Variants in EFNA5 observed in about 807,000 individuals in gnomAD.
EFNA5 encodes the protein ephrin A5.
A neutral mutation model predicts 22.9 loss-of-function variants in EFNA5; 5 were observed. The observed-to-expected ratio is 0.22, with a 90% CI of 0.11 to 0.46. The LOEUF is 0.46. Among genes scored for constraint, EFNA5 ranks in the 20% least tolerant of loss-of-function variants. The pLI, the probability that EFNA5 is intolerant of heterozygous loss-of-function variation, is 0.99. For missense variants in EFNA5, 237 were observed against 293.3 expected (o/e 0.81, Z 1.40); for synonymous variants, 113 against 112.2 (o/e 1.01, Z -0.04).
At chr5:107,619,124 G>A (rs1022232952) in intron 1 of EFNA5, among the ~76,000 whole-genome samples, 21 of 151,478 alleles carry the variant, frequency 1.4e-4, no homozygotes, top group East Asian at 2.0e-4. Context: ...ACGGGGTTTC[G>A]CTGTGTTAGC....
chr5:107,536,140 A>G (rs1747924206), intron 1 of EFNA5, among the ~76,000 whole-genome samples: 1 of 152,202 alleles, frequency 6.6e-6, no homozygotes, highest in Non-Finnish European at 1.5e-5. Context: ...CTCAGATGAC[A>G]CCATACAATT....
rs544325018 is a variant in EFNA5 at position 107,381,023 on chromosome 5, A to C, written c.*232T>G. 2.0e-5 allele frequency: 7 copies of C among 348,534 alleles called. No individual in the cohort carries two copies. The South Asian group carries it at 2.6e-4, about 13-fold the overall frequency. 21.6% of individuals were successfully genotyped at this position (348,534 alleles called of 1,614,324 possible). On this transcript the variant is annotated 3_prime_UTR_variant, in exon 5 of 5. Transcript: ENST00000333274. ...CCATTTAATTTGGGAGGGGTGAGAGAAGCCAAGGGCCAGGGCTGGGGGTGG... is the reference window on the plus strand; with the variant it reads ...CCATTTAATTTGGGAGGGGTGAGAGCAGCCAAGGGCCAGGGCTGGGGGTGG...
intron 1 of EFNA5, among the ~76,000 whole-genome samples, chr5:107,589,399 A>G (rs955866805): frequency 4.6e-5 from 7 of 152,198 alleles, no homozygotes; most frequent in Non-Finnish European, 1.0e-4. Context: ...GGGAAAAGGT[A>G]TAATCAAGAG....
chr5:107,580,213 C>T (rs890277250), intron 1 of EFNA5, among the ~76,000 whole-genome samples: 1 of 152,130 alleles, frequency 6.6e-6, no homozygotes, highest in African/African-American at 2.4e-5. Flanking sequence ...CTGACAAGAC[C>T]TTATGAACAC....
At chr5:107,456,397 C>A (rs1221626441) in intron 1 of EFNA5, among the ~76,000 whole-genome samples, 1 of 152,154 alleles carries the variant, frequency 6.6e-6, no homozygotes, top group African/African-American at 2.4e-5. Flanking sequence ...AAGAAGCCAG[C>A]TGTTCATGCA....
At chr5:107,517,199 A>C (rs1747498745) in intron 1 of EFNA5, among the ~76,000 whole-genome samples, 1 of 152,132 alleles carries the variant, frequency 6.6e-6, no homozygotes, top group African/African-American at 2.4e-5. Flanking sequence ...TATTTATAAA[A>C]GCTTACAGGT....
rs1250344093 is a variant in EFNA5, at chr5:107,505,426, GGCA to G, written c.126-77920_126-77918del. 6.7e-4 allele frequency among the ~76,000 whole-genome samples: 102 copies of G among 152,210 alleles called. 1 individual carries two copies. Among genetic ancestry groups the G allele is most frequent in the Non-Finnish European group, 2.5e-4 (17 of 67,994 alleles). On this transcript the variant is annotated intron_variant, in intron 1 of 4. Coordinates refer to ENST00000333274, the MANE Select transcript of EFNA5 (RefSeq NM_001962.3). ...CAACAAATCTGCAAACATTGCCTAG[GGCA>G]TGCTATATGGGAAATCTGGACAGCT...
At chr5:107,488,508 C>T (rs1234586864) in intron 1 of EFNA5, among the ~76,000 whole-genome samples, 1 of 152,116 alleles carries the variant, frequency 6.6e-6, no homozygotes, top group Non-Finnish European at 1.5e-5. Flanking sequence ...TGTTGAAGTA[C>T]CCTTTTTAAA....
chr5:107,474,701 T>C (rs1394394410), intron 1 of EFNA5, among the ~76,000 whole-genome samples: 1 of 152,202 alleles, frequency 6.6e-6, no homozygotes, highest in Non-Finnish European at 1.5e-5. Flanking sequence ...TGGTATCAAA[T>C]ATTGGCTAAC....
chr5:107,449,357 T>A (rs1193208330), intron 1 of EFNA5, among the ~76,000 whole-genome samples: 1 of 143,444 alleles, frequency 7.0e-6, no homozygotes, highest in Admixed American at 7.0e-5. Context: ...GCCAAAAATA[T>A]GGCTAAAACC....
chr5:107,475,675 C>T (rs903785825), intron 1 of EFNA5, among the ~76,000 whole-genome samples: 14 of 152,036 alleles, frequency 9.2e-5, no homozygotes, highest in African/African-American at 3.1e-4. Context: ...ACTATGTCAG[C>T]AACATTCTTA....
intron 1 of EFNA5, among the ~76,000 whole-genome samples, chr5:107,549,733 G>A (rs193264258): frequency 1.3e-5 from 2 of 152,352 alleles, no homozygotes; most frequent in African/African-American, 4.8e-5. Flanking sequence ...GCGTAGGGAT[G>A]TCCCTGTAAG....
intron 1 of EFNA5, among the ~76,000 whole-genome samples, chr5:107,551,371 C>T (rs940590115): frequency 6.6e-6 from 1 of 152,140 alleles, no homozygotes; most frequent in Non-Finnish European, 1.5e-5. Flanking sequence ...ATGTAGCTTG[C>T]CAACTCCTGC....
chr5:107,580,721 C>CAAAAAAAA (rs56868732), intron 1 of EFNA5, among the ~76,000 whole-genome samples: 2 of 83,660 alleles, frequency 2.4e-5, no homozygotes, highest in Non-Finnish European at 4.6e-5. Context: ...GACTCCATCT[C>CAAAAAAAA]AAAAAAAAAA....
At chr5:107,487,458 G>C (rs555678633) in intron 1 of EFNA5, among the ~76,000 whole-genome samples, 1 of 152,326 alleles carries the variant, frequency 6.6e-6, no homozygotes, top group Admixed American at 6.5e-5. Context: ...CAAGCAGTTA[G>C]TATTTGCAGA....
At chr5:107,394,995 T>G (rs1360163908) in intron 2 of EFNA5, among the ~76,000 whole-genome samples, 2 of 150,400 alleles carry the variant, frequency 1.3e-5, no homozygotes, top group African/African-American at 2.4e-5. Flanking sequence ...TTTTGGAGAA[T>G]GATTTTAAAA....
intron 1 of EFNA5, among the ~76,000 whole-genome samples, chr5:107,652,424 C>T (rs1222437419): frequency 1.3e-5 from 2 of 152,174 alleles, no homozygotes; most frequent in Admixed American, 6.6e-5. Flanking sequence ...CTGTCCATAG[C>T]ATTTCATGCT....
chr5:107,650,909 C>A (rs1394726594), intron 1 of EFNA5, among the ~76,000 whole-genome samples: 1 of 152,144 alleles, frequency 6.6e-6, no homozygotes, highest in Non-Finnish European at 1.5e-5. Context: ...AAGAACCAGT[C>A]CACGAAACAT....
At chr5:107,530,337 A>T (rs1469135012) in intron 1 of EFNA5, among the ~76,000 whole-genome samples, 1 of 152,210 alleles carries the variant, frequency 6.6e-6, no homozygotes, top group Non-Finnish European at 1.5e-5. Context: ...GACATGGGTC[A>T]CCTTCACTCA....
Sources: allele counts gnomAD v4.1 joint callset (sites outside exome capture counted in the v4.1 genomes callset), GRCh38; gene constraint gnomAD v4.1.1; transcripts MANE v1.5; gene names NCBI Gene and HGNC (gene_info 2026-07-23, HGNC 2026-07-21).